APBA2: variants seen among roughly 807,000 people sequenced by gnomAD.
The protein encoded by APBA2 is amyloid beta precursor protein binding family A member 2, also known as amyloid-beta A4 precursor protein-binding family A member 2.
In APBA2, 30 loss-of-function variants were observed where a neutral mutation model predicts 75.0. The observed-to-expected ratio is 0.40, with a 90% CI of 0.30 to 0.54. The LOEUF is 0.54. APBA2 is among the 20% of genes least tolerant of loss of function. The pLI is 0.49. For synonymous variants in APBA2, 444 were observed against 409.6 expected (o/e 1.08, Z -1.01); for missense variants, 801 against 1,016.1 (o/e 0.79, Z 2.88).
intron 4 of APBA2, among the ~76,000 whole-genome samples, chr15:29,061,918 C>G (rs908758408): frequency 6.6e-6 from 1 of 152,224 alleles, no homozygotes; most frequent in African/African-American, 2.4e-5. Flanking sequence ...GGCGCCCCCC[C>G]TCCATCAGCG....
intron 4 of APBA2, among the ~76,000 whole-genome samples, chr15:29,074,078 T>C (rs994007437): frequency 6.6e-6 from 1 of 152,158 alleles, no homozygotes; most frequent in Non-Finnish European, 1.5e-5. Context: ...TGGAAAACAG[T>C]ATGGAAGGTC....
chr15:28,901,844 C>A (rs2032873788), intron 1 of APBA2, among the ~76,000 whole-genome samples: 1 of 151,170 alleles, frequency 6.6e-6, no homozygotes, highest in South Asian at 2.1e-4. Context: ...GGCATCATGC[C>A]AGATTCTGGC....
At chr15:29,020,598 G>C (rs1054482839) in intron 3 of APBA2, among the ~76,000 whole-genome samples, 1 of 152,028 alleles carries the variant, frequency 6.6e-6, no homozygotes, top group South Asian at 2.1e-4. Flanking sequence ...CTGAGGTCAG[G>C]AGTTTGAGAC....
At chr15:29,056,009 T>C (rs1324125376) in intron 4 of APBA2, among the ~76,000 whole-genome samples, 1 of 152,134 alleles carries the variant, frequency 6.6e-6, no homozygotes, top group South Asian at 2.1e-4. Context: ...AAGTGTTTCT[T>C]TGGTCTTTAG....
At chr15:29,033,292 T>C (rs907730130) in intron 3 of APBA2, among the ~76,000 whole-genome samples, 36 of 152,306 alleles carry the variant, frequency 2.4e-4, no homozygotes, top group Admixed American at 2.2e-3. Context: ...TGACATTCCC[T>C]TTCCTTGGTT....
chr15:29,105,362 G>A lies in APBA2; in HGVS notation c.1525-17G>A. The stretch of plus-strand genomic sequence containing the variant: ...TGTGCCACGTGCCTGTCTCCAGCTG[G>A]CCTGCCCTCTGCACAGGCCCAGCTC... On this transcript the variant is annotated splice_polypyrimidine_tract_variant and intron_variant, in intron 10 of 14. Transcript: ENST00000683413. 1.2e-6 allele frequency: 2 copies of A among 1,607,476 alleles called. No homozygotes were observed. The highest frequency in any genetic ancestry group is 1.7e-6 in the Non-Finnish European group (2 of 1,179,298).
At chr15:29,110,921 TC>T (rs2044693094) in intron 13 of APBA2, among the ~76,000 whole-genome samples, 1 of 151,976 alleles carries the variant, frequency 6.6e-6, no homozygotes, top group Non-Finnish European at 1.5e-5. Flanking sequence ...CCAGCTGCCT[TC>T]TGGGGCAGGT....
At chr15:28,945,354 G>T (rs948267383) in intron 2 of APBA2, among the ~76,000 whole-genome samples, 1 of 152,110 alleles carries the variant, frequency 6.6e-6, no homozygotes, top group Non-Finnish European at 1.5e-5. Context: ...TGTCCAAGGC[G>T]CAGGAAATAA....
In APBA2 at chr15:28,904,642, G is replaced by A. The variant is rs932587070; in HGVS notation, c.-204-16998G>A. 3.3e-5 allele frequency among the ~76,000 whole-genome samples: 5 copies of A among 152,296 alleles called. No individual in the cohort carries two copies. In the East Asian group the frequency reaches 9.7e-4, roughly 29 times the overall value. On this transcript the variant is annotated intron_variant, in intron 1 of 14. Transcript: ENST00000683413. ...CCATTTGATGGTACACCATTGAGCA[G>A]CATCCAGCAAACAGTGTTGGTGGCT...
chr15:29,055,771 G>T (rs1280911403), intron 4 of APBA2, among the ~76,000 whole-genome samples: 1 of 151,048 alleles, frequency 6.6e-6, no homozygotes, highest in Non-Finnish European at 1.5e-5. Flanking sequence ...TATTTTAATT[G>T]ACTCCTGGAT....
intron 2 of APBA2, among the ~76,000 whole-genome samples, chr15:28,959,995 A>G (rs1462118365): frequency 6.6e-6 from 1 of 152,000 alleles, no homozygotes; most frequent in Non-Finnish European, 1.5e-5. Flanking sequence ...AATACAAACA[A>G]TTAGCTGGGC....
chr15:29,110,833 C>T (rs1196336827), intron 13 of APBA2, among the ~76,000 whole-genome samples: 1 of 152,192 alleles, frequency 6.6e-6, no homozygotes, highest in Non-Finnish European at 1.5e-5. Context: ...CTGTGCCTTT[C>T]TTCCCAGAGA....
intron 3 of APBA2, among the ~76,000 whole-genome samples, chr15:28,998,705 C>T (rs1408702607): frequency 3.3e-5 from 5 of 152,146 alleles, no homozygotes; most frequent in African/African-American, 1.2e-4. Flanking sequence ...AGCAAGTGCT[C>T]ATATGTATAG....
intron 2 of APBA2, among the ~76,000 whole-genome samples, chr15:28,984,809 T>TCCCC (rs1421522035): frequency 6.9e-6 from 1 of 145,662 alleles, no homozygotes; most frequent in Non-Finnish European, 1.5e-5. Flanking sequence ...TCGCTCTCTC[T>TCCCC]CCCCCCTCCC....
At chr15:28,988,820 G>C (rs2038065808) in intron 2 of APBA2, among the ~76,000 whole-genome samples, 1 of 152,192 alleles carries the variant, frequency 6.6e-6, no homozygotes, top group African/African-American at 2.4e-5. Flanking sequence ...GATTGGAATT[G>C]CTATGGGAGA....
chr15:28,938,774 G>T (rs985496736), intron 2 of APBA2, among the ~76,000 whole-genome samples: 1 of 152,170 alleles, frequency 6.6e-6, no homozygotes, highest in African/African-American at 2.4e-5. Context: ...CTCCCAAAGT[G>T]CTGGAATCAC....
intron 3 of APBA2, among the ~76,000 whole-genome samples, chr15:29,035,699 C>G (rs891213203): frequency 6.6e-6 from 1 of 152,116 alleles, no homozygotes; most frequent in African/African-American, 2.4e-5. Context: ...AGGGGTTCTC[C>G]GTGACGTGCG....
chr15:29,040,956 C>T (rs527572252), intron 3 of APBA2, among the ~76,000 whole-genome samples: 5 of 151,846 alleles, frequency 3.3e-5, no homozygotes, highest in Non-Finnish European at 7.4e-5. Context: ...ACTGTTATAA[C>T]CATGTTCCAT....
At chr15:28,931,314 G>A (rs565855853) in intron 2 of APBA2, among the ~76,000 whole-genome samples, 2 of 152,262 alleles carry the variant, frequency 1.3e-5, no homozygotes, top group Non-Finnish European at 2.9e-5. Flanking sequence ...TACTCCAGTC[G>A]GTCCCCCTGT....
Sources: gnomAD v4.1 joint callset for allele counts (sites outside exome capture counted in the v4.1 genomes callset) on GRCh38, gnomAD v4.1.1 for gene constraint, MANE v1.5 for transcripts, NCBI Gene and HGNC (gene_info 2026-07-23, HGNC 2026-07-21) for gene names.